KIAA1549L: variants seen among roughly 807,000 people sequenced by gnomAD.
KIAA1549L encodes the protein UPF0606 protein KIAA1549L.
Under a neutral mutation model 160.7 loss-of-function variants are expected in KIAA1549L, and 88 were observed. That is an observed-to-expected ratio of 0.55 (90% CI 0.46 to 0.65). KIAA1549L has a LOEUF of 0.65. Among genes scored for constraint, KIAA1549L ranks in the 30% least tolerant of loss-of-function variants. KIAA1549L has a pLI of 0.00. For synonymous variants in KIAA1549L, 950 were observed against 976.7 expected (o/e 0.97, Z 0.51); for missense variants, 2,258 against 2,437.5 (o/e 0.93, Z 1.55).
chr11:33,409,068 A>G (rs184205162), intron 1 of KIAA1549L, among the ~76,000 whole-genome samples: 77 of 152,158 alleles, frequency 5.1e-4, no homozygotes, highest in African/African-American at 1.7e-3. Flanking sequence ...GAGGTTAGAA[A>G]CGGTGTGAAT....
At chr11:33,527,999 T>C (rs1853652789) in intron 1 of KIAA1549L, among the ~76,000 whole-genome samples, 1 of 152,148 alleles carries the variant, frequency 6.6e-6, no homozygotes. Context: ...CGAAATCTGA[T>C]GGTTTTATAA....
At chr11:33,558,561 C>T (rs757799731) in intron 6 of KIAA1549L, among the ~76,000 whole-genome samples, 3 of 152,070 alleles carry the variant, frequency 2.0e-5, no homozygotes, top group East Asian at 1.9e-4. Flanking sequence ...AGGGAAGGCA[C>T]GCAGCACAGA....
chr11:33,612,905 C>T (rs1850684479), intron 15 of KIAA1549L, among the ~76,000 whole-genome samples: 1 of 152,194 alleles, frequency 6.6e-6, no homozygotes, highest in Non-Finnish European at 1.5e-5. Flanking sequence ...GCCTCCAACT[C>T]CATCCATGTT....
chr11:33,442,244 G>T (rs951836320), intron 1 of KIAA1549L, among the ~76,000 whole-genome samples: 2 of 151,930 alleles, frequency 1.3e-5, no homozygotes, highest in Admixed American at 6.6e-5. Context: ...TATGCGGCAT[G>T]ATTTCTGAGG....
At chr11:33,622,325 G>A (rs1850980278) in intron 16 of KIAA1549L, among the ~76,000 whole-genome samples, 1 of 152,190 alleles carries the variant, frequency 6.6e-6, no homozygotes, top group South Asian at 2.1e-4. Flanking sequence ...GCGGGTTGAA[G>A]GAATGTTCCT....
At chr11:33,392,187 A>C (rs556121361) in intron 1 of KIAA1549L, among the ~76,000 whole-genome samples, 1 of 152,354 alleles carries the variant, frequency 6.6e-6, no homozygotes, top group East Asian at 1.9e-4. Context: ...ATTATCAGTT[A>C]TACAGTGCAG....
intron 10 of KIAA1549L, among the ~76,000 whole-genome samples, chr11:33,575,880 ACT>A (rs1194769992): frequency 3.9e-5 from 6 of 152,148 alleles, no homozygotes; most frequent in Non-Finnish European, 8.8e-5. Flanking sequence ...GATAGTACAC[ACT>A]CTGATCAGCT....
rs905455616 is a variant in KIAA1549L, at chr11:33,583,472, A to G, written c.4537A>G (p.Thr1513Ala). 6.3e-7 allele frequency: 1 copy of G among 1,577,208 alleles called. No individual in the cohort carries two copies. The highest frequency in any genetic ancestry group is 2.3e-5 in the East Asian group (1 of 42,780). ...GAACAAGAACGACTTCAAGCCTGAC[A>G]CCATGATAAACCTGCCGCAGAGAGC... is the stretch of plus-strand genomic sequence containing the variant. ...RKNKNDFKPD[T>A]MINLPQRAKP... The change falls in exon 11 of 21, where the codon ACC becomes GCC. Residue 1513 changes from threonine to alanine, a missense_variant. Thr to Ala is a moderately conservative substitution (Grantham distance 58). Coordinates refer to ENST00000658780, the MANE Select transcript of KIAA1549L (RefSeq NM_012194.3).
chr11:33,531,547 A>T (rs1056027445), intron 1 of KIAA1549L, among the ~76,000 whole-genome samples: 1 of 152,216 alleles, frequency 6.6e-6, no homozygotes, highest in Non-Finnish European at 1.5e-5. Context: ...TCCACAAAAG[A>T]TTACCAACAA....
chr11:33,477,520 AAC>A (rs57378048), intron 1 of KIAA1549L, among the ~76,000 whole-genome samples: 1,497 of 146,788 alleles, frequency 0.01, 17 homozygotes, highest in African/African-American at 0.033. Flanking sequence ...CACACACACA[AAC>A]ACACACACAC....
At chr11:33,401,145 C>A (rs1850490817) in intron 1 of KIAA1549L, among the ~76,000 whole-genome samples, 1 of 151,308 alleles carries the variant, frequency 6.6e-6, no homozygotes, top group Non-Finnish European at 1.5e-5. Flanking sequence ...ATGATCTGGC[C>A]ACAAAGGGTG....
intron 1 of KIAA1549L, among the ~76,000 whole-genome samples, chr11:33,429,196 T>A (rs1244247746): frequency 6.6e-6 from 1 of 152,206 alleles, no homozygotes; most frequent in African/African-American, 2.4e-5. Flanking sequence ...GGTCTCAAAC[T>A]CCTGACCTCA....
intron 1 of KIAA1549L, among the ~76,000 whole-genome samples, chr11:33,487,099 G>A (rs901573857): frequency 6.6e-6 from 1 of 152,142 alleles, no homozygotes; most frequent in African/African-American, 2.4e-5. Flanking sequence ...CCTTTAGGAG[G>A]CCCGCTGATG....
chr11:33,541,395 C>T (rs1042713631), intron 1 of KIAA1549L, among the ~76,000 whole-genome samples: 7 of 152,162 alleles, frequency 4.6e-5, no homozygotes, highest in South Asian at 2.1e-4. Context: ...AAAAAAGATT[C>T]GTGCTTGAAT....
In KIAA1549L at chr11:33,673,605, A is replaced by G. The variant is rs1008486889; in HGVS notation, c.*5451A>G. ...CATGGTGATTTTGAGGAGCACATGC[A>G]TAATGTATCTGAAAATGGCTTGACA... On this transcript the variant is annotated 3_prime_UTR_variant, in exon 21 of 21. Transcript: ENST00000658780. 6.6e-6 allele frequency: 1 copy of G among 152,244 alleles called. No individual in the cohort carries two copies. The highest frequency in any genetic ancestry group is 2.4e-5 in the African/African-American group (1 of 41,468). The allele number at this position is 152,244 out of a possible 1,614,324, so 9.4% of individuals were successfully genotyped here.
In KIAA1549L at chr11:33,543,828, A is replaced by G. The variant is rs1854127667; in HGVS notation, c.2265A>G (p.Lys755=). The change falls in exon 2 of 21, where the codon AAA becomes AAG. Residue 755 remains lysine, a synonymous_variant. Coordinates refer to ENST00000658780, the MANE Select transcript of KIAA1549L (RefSeq NM_012194.3). ...TAACTTCAGCTGCCGATGCCATAAA[A>G]TCTCAGGATTTCAAAGATACTGCTG... ...NGLTSAADAI[K]SQDFKDTAGH... 6.2e-7 allele frequency: 1 copy of G among 1,613,882 alleles called. No homozygotes were observed. Among genetic ancestry groups the G allele is most frequent in the African/African-American group, 1.3e-5 (1 of 74,904 alleles).
At chr11:33,599,879 G>C (rs1850308535) in intron 13 of KIAA1549L, among the ~76,000 whole-genome samples, 1 of 152,212 alleles carries the variant, frequency 6.6e-6, no homozygotes, top group Non-Finnish European at 1.5e-5. Context: ...CAGGTGAAAA[G>C]CTAAACCCTC....
intron 1 of KIAA1549L, among the ~76,000 whole-genome samples, chr11:33,398,326 G>A (rs968899103): frequency 6.6e-6 from 1 of 151,690 alleles, no homozygotes; most frequent in African/African-American, 2.4e-5. Context: ...TACCAATGCT[G>A]CTGCTCCACA....
intron 17 of KIAA1549L, among the ~76,000 whole-genome samples, chr11:33,653,476 G>T (rs1257180403): frequency 6.6e-6 from 1 of 152,234 alleles, no homozygotes; most frequent in Non-Finnish European, 1.5e-5. Flanking sequence ...GAAGCCATTT[G>T]TTAGTGTCAT....
Sources: allele counts gnomAD v4.1 joint callset (sites outside exome capture counted in the v4.1 genomes callset), GRCh38; gene constraint gnomAD v4.1.1; transcripts MANE v1.5; gene names NCBI Gene and HGNC (gene_info 2026-07-23, HGNC 2026-07-21).